IDE: variants seen among roughly 807,000 people sequenced by gnomAD.
IDE encodes the protein insulin-degrading enzyme.
A neutral mutation model predicts 133.2 loss-of-function variants in IDE; 58 were observed. The observed-to-expected ratio is 0.44, with a 90% CI of 0.35 to 0.54. The LOEUF is 0.54. IDE is among the 20% of genes least tolerant of loss of function. The probability of loss-of-function intolerance (pLI) is 0.00; values close to 1 mark genes in which losing one functional copy is unlikely to be tolerated. For missense variants in IDE, 981 were observed against 1,234.0 expected, an observed-to-expected ratio of 0.79 and a Z score of 3.07; for synonymous variants, 396 against 421.3, an observed-to-expected ratio of 0.94 and a Z score of 0.73.
chr10:92,544,982 AAG>A (rs1208135139), intron 1 of IDE, among the ~76,000 whole-genome samples: 1 of 152,230 alleles, frequency 6.6e-6, no homozygotes, highest in Non-Finnish European at 1.5e-5. Context: ...AATCAGAAAA[AAG>A]AGAAGAAAAT....
intron 1 of IDE, among the ~76,000 whole-genome samples, chr10:92,545,496 A>G (rs1279493559): frequency 6.6e-6 from 1 of 152,234 alleles, no homozygotes; most frequent in African/African-American, 2.4e-5. Context: ...GCAAGCAACA[A>G]GGATTGGATA....
intron 4 of IDE, among the ~76,000 whole-genome samples, chr10:92,520,748 T>C (rs908214962): frequency 1.3e-5 from 2 of 152,210 alleles, no homozygotes; most frequent in Non-Finnish European, 1.5e-5. Flanking sequence ...ATATGAGTTA[T>C]AAAAGGGGAC....
intron 2 of IDE, among the ~76,000 whole-genome samples, chr10:92,535,905 G>A (rs1389206974): frequency 5.3e-5 from 8 of 151,704 alleles, no homozygotes; most frequent in African/African-American, 1.7e-4. Flanking sequence ...GCGTGGTGGC[G>A]GGCGCCTATA....
chr10:92,475,425 T>C (rs1846201952), intron 16 of IDE, among the ~76,000 whole-genome samples: 1 of 152,210 alleles, frequency 6.6e-6, no homozygotes, highest in Non-Finnish European at 1.5e-5. Context: ...GAAGCAGCTG[T>C]TCATCCCATA....
At chr10:92,521,398 TAA>T (rs879425676) in intron 4 of IDE, among the ~76,000 whole-genome samples, 1 of 138,906 alleles carries the variant, frequency 7.2e-6, no homozygotes, top group Non-Finnish European at 1.6e-5. Context: ...AGGGGTGCAG[TAA>T]AAAAAAAAAA....
intron 1 of IDE, among the ~76,000 whole-genome samples, chr10:92,546,353 G>A (rs1018210966): frequency 2.0e-5 from 3 of 152,124 alleles, no homozygotes; most frequent in East Asian, 3.8e-4. Context: ...GTTGAACACT[G>A]CCATCTTTCA....
intron 3 of IDE, among the ~76,000 whole-genome samples, chr10:92,533,789 T>C (rs914913441): frequency 2.7e-5 from 4 of 150,650 alleles, no homozygotes; most frequent in Admixed American, 2.6e-4. Context: ...TCTGGGAGGC[T>C]GAGGTGGGTG....
intron 15 of IDE, among the ~76,000 whole-genome samples, chr10:92,476,483 C>A (rs1466676433): frequency 6.6e-6 from 1 of 151,752 alleles, no homozygotes; most frequent in Non-Finnish European, 1.5e-5. Context: ...CCTTAACCAT[C>A]TTTTTTAAAA....
intron 4 of IDE, among the ~76,000 whole-genome samples, chr10:92,520,005 C>T (rs919653550): frequency 1.2e-4 from 19 of 152,026 alleles, no homozygotes; most frequent in Admixed American, 8.5e-4. Context: ...TCGGGGAGGC[C>T]GAGGCAGGAG....
chr10:92,560,857 C>T (rs879924261), intron 1 of IDE, among the ~76,000 whole-genome samples: 5 of 152,082 alleles, frequency 3.3e-5, no homozygotes, highest in Non-Finnish European at 7.4e-5. Context: ...GCTGATAGCT[C>T]CACTTACTTT....
Position 92,537,230 on chromosome 10 carries a change from C to T in IDE, c.283+136G>A, listed in dbSNP as rs2275221. ...CAACTGCAGTTTACCAATAGCTTTA[C>T]GAGGGTTCTGGTATAAAATAAGGTA... On this transcript the variant is annotated intron_variant, in intron 2 of 24. Transcript: ENST00000265986. The T allele has an allele frequency of 3.3e-3, 1,866 of 571,816 alleles. 39 individuals carry two copies. In the East Asian group the frequency reaches 0.045, roughly 14 times the overall value. 35.4% of individuals were successfully genotyped at this position (571,816 alleles called of 1,614,324 possible). A position where few individuals can be genotyped will look rare whatever the true frequency, so the allele number is the denominator to read the frequency against.
chr10:92,542,974 A>G (rs1000778900), intron 1 of IDE, among the ~76,000 whole-genome samples: 4 of 152,222 alleles, frequency 2.6e-5, no homozygotes, highest in African/African-American at 9.6e-5. Flanking sequence ...ATCTCTCTTT[A>G]AAGTGTTTCA....
chr10:92,475,930 G>T lies in IDE; in HGVS notation c.1949C>A (p.Ala650Asp). ...TCTTTTTTCATCAATCTCAAAGGTA[G>T]CCATTTTCTCAATAATCTTCTTTAG... ...ILLKKIIEKM[A>D]TFEIDEKRFE... The change falls in exon 16 of 25, where the codon GCT (alanine) becomes GAT (aspartate). Residue 650 changes from alanine (A) to aspartate (D), a missense_variant. Physicochemically the swap from Ala to Asp is moderately radical, Grantham distance 126 (BLOSUM62 -2). Around this residue, in one of 2 missense-constraint regions of IDE, gnomAD observed 660 missense variants for 894.7 expected, o/e 0.74. Transcript: ENST00000265986. The T allele has an allele frequency of 6.5e-7, 1 of 1,546,858 alleles. No individual in the cohort carries two copies. The highest frequency in any genetic ancestry group is 8.8e-7 in the Non-Finnish European group (1 of 1,130,838).
At chr10:92,504,010 G>GC (rs887590612) in intron 11 of IDE, among the ~76,000 whole-genome samples, 2 of 128,208 alleles carry the variant, frequency 1.6e-5, no homozygotes, top group Middle Eastern at 3.8e-3. Context: ...GAGCCACCGC[G>GC]CCCAGCCCAA....
intron 1 of IDE, among the ~76,000 whole-genome samples, chr10:92,563,577 C>T (rs1347758572): frequency 6.6e-6 from 1 of 151,372 alleles, no homozygotes; most frequent in African/African-American, 2.4e-5. Flanking sequence ...ATGGTGAAAC[C>T]CCATCTCTAC....
At chr10:92,461,711 C>A (rs1270774613) in intron 21 of IDE, among the ~76,000 whole-genome samples, 1 of 151,504 alleles carries the variant, frequency 6.6e-6, no homozygotes, top group Non-Finnish European at 1.5e-5. Context: ...CTCACCCAGG[C>A]TGTTGTGCAG....
At chr10:92,526,154 A>C (rs1489298975) in intron 4 of IDE, among the ~76,000 whole-genome samples, 1 of 148,144 alleles carries the variant, frequency 6.8e-6, no homozygotes, top group Non-Finnish European at 1.5e-5. Flanking sequence ...CTCCGTCTCA[A>C]AAAAAAAAAA....
chr10:92,467,886 T>C (rs1486069323), intron 19 of IDE, among the ~76,000 whole-genome samples: 1 of 152,204 alleles, frequency 6.6e-6, no homozygotes, highest in African/African-American at 2.4e-5. Context: ...CCTGAAGTAA[T>C]AATATGTTCC....
intron 11 of IDE, among the ~76,000 whole-genome samples, chr10:92,498,710 C>T (rs1236966900): frequency 6.6e-6 from 1 of 152,042 alleles, no homozygotes. Flanking sequence ...GAGCCAAGAT[C>T]GTGCCATTGC....
Sources: gnomAD v4.1 joint callset for allele counts (sites outside exome capture counted in the v4.1 genomes callset) on GRCh38, gnomAD v4.1.1 for gene constraint, gnomAD v4.1.1 regional missense constraint, MANE v1.5 for transcripts, NCBI Gene and HGNC (gene_info 2026-07-23, HGNC 2026-07-21) for gene names.